The following BCAT1 variants were observed in gnomAD, a reference collection of about 807,000 sequenced individuals.
The protein encoded by BCAT1 is branched chain amino acid transaminase 1.
In BCAT1, 48 loss-of-function variants were observed where a neutral mutation model predicts 52.4. The observed-to-expected ratio is 0.92, with a 90% CI of 0.73 to 1.16. The LOEUF (loss-of-function observed/expected upper bound fraction) is 1.16. Ranked by LOEUF, BCAT1 falls within the 50% of genes most tolerant of loss-of-function variation. The pLI, the probability that BCAT1 is intolerant of heterozygous loss-of-function variation, is 0.00. For missense variants in BCAT1, 451 were observed against 457.1 expected, an observed-to-expected ratio of 0.99 and a Z score of 0.12; for synonymous variants, 167 against 161.3, an observed-to-expected ratio of 1.04 and a Z score of -0.27.
Position 24,941,947 on chromosome 12 carries a change from CTT to C in BCAT1, c.6+6978_6+6979del, listed in dbSNP as rs1339574572. ...CATTTTGAGATAGATCAAATCCTCT[CTT>C]ATGACTAGAGAAATGCATGCACATA... On this transcript the variant is annotated intron_variant, in intron 1 of 10. Coordinates refer to ENST00000261192, the MANE Select transcript of BCAT1 (RefSeq NM_005504.7). 7.2e-5 allele frequency among the ~76,000 whole-genome samples: 11 copies of C among 152,304 alleles called. 1 individual carries two copies. The highest frequency in any genetic ancestry group is 2.6e-4 in the Admixed American group (4 of 15,292).
chr12:24,861,598 CAGA>C (rs1217712018), intron 5 of BCAT1, among the ~76,000 whole-genome samples: 1 of 152,172 alleles, frequency 6.6e-6, no homozygotes, highest in African/African-American at 2.4e-5. Context: ...TGTATTCAGC[CAGA>C]AGAAGCTACA....
At chr12:24,933,793 G>A (rs1008041446) in intron 1 of BCAT1, among the ~76,000 whole-genome samples, 3 of 152,120 alleles carry the variant, frequency 2.0e-5, no homozygotes, top group African/African-American at 7.2e-5. Flanking sequence ...GGGGACTTCT[G>A]AGAGGAAACA....
intron 3 of BCAT1, among the ~76,000 whole-genome samples, chr12:24,890,302 T>C (rs1258343712): frequency 6.6e-6 from 1 of 152,062 alleles, no homozygotes. Flanking sequence ...AGGTGGATAA[T>C]GTCAGAGGTG....
intron 1 of BCAT1, among the ~76,000 whole-genome samples, chr12:24,943,783 G>T (rs1228207551): frequency 2.0e-5 from 3 of 151,934 alleles, no homozygotes; most frequent in African/African-American, 7.3e-5. Flanking sequence ...AGGAGATCAA[G>T]ACCTTCCTGG....
chr12:24,838,935 T>C (rs1164310719), intron 7 of BCAT1, among the ~76,000 whole-genome samples: 2 of 152,158 alleles, frequency 1.3e-5, no homozygotes, highest in Non-Finnish European at 2.9e-5. Flanking sequence ...CAAACACTAA[T>C]GGAAACCAGG....
At chr12:24,887,045 C>T (rs1487441602) in intron 3 of BCAT1, among the ~76,000 whole-genome samples, 1 of 88,888 alleles carries the variant, frequency 1.1e-5, no homozygotes, top group Non-Finnish European at 2.0e-5. Context: ...CCTGGAAGAA[C>T]GAGAGAGATG....
At chr12:24,922,469 A>G (rs1240610947) in intron 1 of BCAT1, among the ~76,000 whole-genome samples, 1 of 152,238 alleles carries the variant, frequency 6.6e-6, no homozygotes, top group Non-Finnish European at 1.5e-5. Context: ...TAAGGTAGAT[A>G]TCATCATTAT....
At chr12:24,927,310 A>G (rs1943605182) in intron 1 of BCAT1, among the ~76,000 whole-genome samples, 1 of 152,116 alleles carries the variant, frequency 6.6e-6, no homozygotes, top group Non-Finnish European at 1.5e-5. Flanking sequence ...TCTGTCTCGA[A>G]AAAAAAAGAA....
chr12:24,887,078 A>T (rs866077051), intron 3 of BCAT1, among the ~76,000 whole-genome samples: 1 of 79,234 alleles, frequency 1.3e-5, no homozygotes, highest in East Asian at 3.1e-4. Flanking sequence ...AAAAAAAAAA[A>T]AAATATATAT....
chr12:24,867,996 C>T, intron 5 of BCAT1, among the ~76,000 whole-genome samples: 1 of 152,204 alleles, frequency 6.6e-6, no homozygotes, highest in Non-Finnish European at 1.5e-5. Flanking sequence ...CAGAGCAAGA[C>T]TCCGTCTCAA....
At chr12:24,921,364 G>A (rs1190859955) in intron 1 of BCAT1, among the ~76,000 whole-genome samples, 2 of 152,126 alleles carry the variant, frequency 1.3e-5, no homozygotes, top group Middle Eastern at 3.2e-3. Flanking sequence ...TCCTCAGATC[G>A]CTAGAGCAGC....
In BCAT1 at chr12:24,832,581, T is replaced by A. The variant is rs927307185; in HGVS notation, c.1044+142A>T. The A allele has an allele frequency of 2.3e-5, 25 of 1,071,726 alleles. No homozygotes were observed. The Admixed American group carries it at 5.9e-4, about 25-fold the overall frequency. 66.4% of individuals were successfully genotyped at this position (1,071,726 alleles called of 1,614,324 possible). ...GGGCAACACAGCGAGACTCCATCTC[T>A]TTAAAATAAAGAAAAACAACAACAA... On this transcript the variant is annotated intron_variant, in intron 9 of 10. Coordinates refer to ENST00000261192, the MANE Select transcript of BCAT1 (RefSeq NM_005504.7).
At chr12:24,890,928 C>A (rs1266437608) in intron 3 of BCAT1, among the ~76,000 whole-genome samples, 1 of 152,086 alleles carries the variant, frequency 6.6e-6, no homozygotes, top group Non-Finnish European at 1.5e-5. Flanking sequence ...CCCGTAATAA[C>A]AGTGTGAGAA....
intron 5 of BCAT1, among the ~76,000 whole-genome samples, chr12:24,866,404 C>T (rs746201319): frequency 4.6e-5 from 7 of 152,222 alleles, no homozygotes; most frequent in Admixed American, 1.3e-4. Flanking sequence ...GGATCCTGTG[C>T]GGCCTGAGTC....
In BCAT1 at chr12:24,948,956, C is replaced by A; in HGVS notation, c.-24G>T. 6.3e-7 allele frequency: 1 copy of A among 1,590,866 alleles called. No individual in the cohort carries two copies. Among genetic ancestry groups the A allele is most frequent in the Non-Finnish European group, 8.6e-7 (1 of 1,168,474 alleles). Reference sequence around the variant, plus strand: ...ATTGTTCCGTCGGCCACGAGGGAAGCTCGAGCTGAGCGGAGGGCAGATCCC... The same window carrying A: ...ATTGTTCCGTCGGCCACGAGGGAAGATCGAGCTGAGCGGAGGGCAGATCCC... On this transcript the variant is annotated 5_prime_UTR_variant, in exon 1 of 11. Coordinates refer to ENST00000261192, the MANE Select transcript of BCAT1 (RefSeq NM_005504.7).
At chr12:24,883,358 G>T (rs1246688699) in intron 3 of BCAT1, among the ~76,000 whole-genome samples, 3 of 152,140 alleles carry the variant, frequency 2.0e-5, no homozygotes, top group Non-Finnish European at 4.4e-5. Flanking sequence ...TAAAAGATAA[G>T]TATTAGTGAG....
rs1941451836 is a variant in BCAT1, at chr12:24,849,819, C to T, written c.641G>A (p.Trp214Ter). 1.2e-6 allele frequency: 2 copies of T among 1,612,984 alleles called. No homozygotes were observed. The highest frequency in any genetic ancestry group is 2.2e-5 in the South Asian group (2 of 90,914). The change falls in exon 6 of 11, where the codon TGG (tryptophan) becomes TAG (stop). Residue 214 changes from tryptophan to a stop codon, truncating the protein, a stop_gained. Coordinates refer to ENST00000261192, the MANE Select transcript of BCAT1 (RefSeq NM_005504.7). LOFTEE classifies it high-confidence loss of function. ...LWANPKYVRA[W>*]KGGTGDCKMG... ...CTTGCAGTCCCCAGTTCCACCTTTCCAGGCTCTTACATACTTGGGATTGGC... is the reference window on the plus strand; with the variant it reads ...CTTGCAGTCCCCAGTTCCACCTTTCTAGGCTCTTACATACTTGGGATTGGC...
At chr12:24,854,087 A>G (rs1250913974) in intron 5 of BCAT1, among the ~76,000 whole-genome samples, 1 of 152,246 alleles carries the variant, frequency 6.6e-6, no homozygotes, top group Non-Finnish European at 1.5e-5. Flanking sequence ...GCATAGAAGG[A>G]CAAGACACTG....
At chr12:24,905,306 A>T (rs936392981) in intron 1 of BCAT1, among the ~76,000 whole-genome samples, 36 of 152,382 alleles carry the variant, frequency 2.4e-4, no homozygotes, top group South Asian at 1.7e-3. Flanking sequence ...CCAGGCAGAT[A>T]TAAAAACTGG....
Sources: gnomAD v4.1 joint callset for allele counts (sites outside exome capture counted in the v4.1 genomes callset) on GRCh38, gnomAD v4.1.1 for gene constraint, MANE v1.5 for transcripts, NCBI Gene and HGNC (gene_info 2026-07-23, HGNC 2026-07-21) for gene names.